Variants in HCN1 observed in about 807,000 individuals in gnomAD.
HCN1 encodes the protein hyperpolarization activated cyclic nucleotide gated potassium channel 1.
Under a neutral mutation model 78.9 loss-of-function variants are expected in HCN1, and 13 were observed. That is an observed-to-expected ratio of 0.16 (90% confidence interval 0.11 to 0.26). The LOEUF (loss-of-function observed/expected upper bound fraction) is 0.26. HCN1 is among the 10% of genes least tolerant of loss of function. HCN1 has a pLI of 1.00. For synonymous variants in HCN1, 552 were observed against 455.5 expected (o/e 1.21, Z -2.70); for missense variants, 810 against 1,154.3 (o/e 0.70, Z 4.32).
At chr5:45,695,561 C>A (rs1015799945) in intron 1 of HCN1, 108 bp downstream of exon 1, 46 of 1,126,980 alleles carry the variant, frequency 4.1e-5, no homozygotes, top group Non-Finnish European at 5.6e-5. Context: ...GGCAGCGCCA[C>A]CCCCCGCCCG....
intron 5 of HCN1, among the ~76,000 whole-genome samples, chr5:45,317,031 C>G (rs1746008195): frequency 6.6e-6 from 1 of 152,064 alleles, no homozygotes; most frequent in Admixed American, 6.6e-5. Flanking sequence ...ATCAAGCTAC[C>G]AATGACTTTC....
rs901389413 is a variant in HCN1, at chr5:45,547,399, G to C, written c.850-85392C>G. On this transcript the variant is annotated intron_variant, in intron 2 of 7. Coordinates refer to ENST00000303230, the MANE Select transcript of HCN1 (RefSeq NM_021072.4). ...AATTTATATTAAAGTAGTAAAGTAA[G>C]TATTGACAGAAAATACTAGCGGAGA... Among the ~76,000 whole-genome samples the C allele has an allele frequency of 9.2e-5, 14 of 152,008 alleles. 2 individuals are homozygous for C. The South Asian group carries it at 1.2e-3, about 13-fold the overall frequency.
At chr5:45,421,315 G>A (rs1740223827) in intron 3 of HCN1, among the ~76,000 whole-genome samples, 1 of 152,104 alleles carries the variant, frequency 6.6e-6, no homozygotes, top group African/African-American at 2.4e-5. Context: ...ACCCGCCTGG[G>A]CCTCCCAAAG....
At chr5:45,616,839 T>G (rs760350348) in intron 2 of HCN1, among the ~76,000 whole-genome samples, 18 of 152,004 alleles carry the variant, frequency 1.2e-4, no homozygotes, top group Non-Finnish European at 2.5e-4. Context: ...AGTAACTATA[T>G]TACCATAAAC....
chr5:45,285,829 A>C (rs1463465239), intron 6 of HCN1, among the ~76,000 whole-genome samples: 1 of 152,014 alleles, frequency 6.6e-6, no homozygotes, highest in African/African-American at 2.4e-5. Context: ...ACACAAAAAC[A>C]TGGTAACTGT....
rs530677746 is a variant in HCN1, at chr5:45,289,236, T to C, written c.1618+14363A>G. On this transcript the variant is annotated intron_variant, in intron 6 of 7. Transcript: ENST00000303230. ...CAAATGTATACTTAATGCCTCACAA[T>C]GTAACACTTATTATTCATACAGAAA... Among the ~76,000 whole-genome samples the C allele has an allele frequency of 3.3e-5, 5 of 152,218 alleles. No homozygotes were observed. In the South Asian group the frequency reaches 1.0e-3, roughly 32 times the overall value.
chr5:45,424,051 G>A (rs1313485604), intron 3 of HCN1, among the ~76,000 whole-genome samples: 5 of 149,588 alleles, frequency 3.3e-5, no homozygotes, highest in East Asian at 2.0e-4. Context: ...CGAGGAGGGC[G>A]GATCACGAGG....
At chr5:45,659,112 C>T (rs927519630) in intron 1 of HCN1, among the ~76,000 whole-genome samples, 10 of 152,026 alleles carry the variant, frequency 6.6e-5, no homozygotes, top group East Asian at 1.9e-4. Flanking sequence ...GATCTGAGAA[C>T]GGGCAGACTG....
intron 5 of HCN1, among the ~76,000 whole-genome samples, chr5:45,317,191 A>T (rs907247351): frequency 2.8e-4 from 42 of 152,216 alleles, no homozygotes; most frequent in Admixed American, 8.5e-4. Context: ...AGTAACCAAA[A>T]CAGCATGATA....
At chr5:45,686,123 A>ATAT (rs1561244997) in intron 1 of HCN1, among the ~76,000 whole-genome samples, 1 of 150,914 alleles carries the variant, frequency 6.6e-6, no homozygotes, top group Non-Finnish European at 1.5e-5. Flanking sequence ...ATATATATAT[A>ATAT]TTTTTTTCTA....
At chr5:45,489,882 C>A (rs1346344953) in intron 2 of HCN1, among the ~76,000 whole-genome samples, 2 of 152,136 alleles carry the variant, frequency 1.3e-5, no homozygotes, top group Non-Finnish European at 2.9e-5. Context: ...CCATCTGGGG[C>A]TGACAATTAG....
intron 3 of HCN1, among the ~76,000 whole-genome samples, chr5:45,404,403 A>C (rs937950934): frequency 6.6e-6 from 1 of 152,132 alleles, no homozygotes; most frequent in Non-Finnish European, 1.5e-5. Context: ...CATTTTAGGT[A>C]ACAATGTACC....
chr5:45,333,716 T>A (rs541094410), intron 5 of HCN1, among the ~76,000 whole-genome samples: 1 of 151,926 alleles, frequency 6.6e-6, no homozygotes, highest in East Asian at 1.9e-4. Context: ...ATACCCAGTT[T>A]TTCCAGCACC....
intron 5 of HCN1, among the ~76,000 whole-genome samples, chr5:45,319,739 G>C (rs1465466637): frequency 1.3e-5 from 2 of 151,170 alleles, no homozygotes. Context: ...AAATGAGTTT[G>C]ATATATTCAG....
At chr5:45,525,197 G>A (rs948953093) in intron 2 of HCN1, among the ~76,000 whole-genome samples, 7 of 151,896 alleles carry the variant, frequency 4.6e-5, no homozygotes, top group African/African-American at 1.5e-4. Flanking sequence ...TACATCCCAG[G>A]GATGAAGCCC....
intron 2 of HCN1, among the ~76,000 whole-genome samples, chr5:45,507,933 A>T: frequency 6.6e-6 from 1 of 152,278 alleles, no homozygotes; most frequent in Non-Finnish European, 1.5e-5. Context: ...AGAGACATAT[A>T]ACATTATATG....
Position 45,469,332 on chromosome 5 carries a change from A to G in HCN1, c.850-7325T>C, listed in dbSNP as rs188311307. 3.5e-3 allele frequency among the ~76,000 whole-genome samples: 530 copies of G among 152,086 alleles called. 2 individuals are homozygous for G. The highest frequency in any genetic ancestry group is 5.8e-3 in the Non-Finnish European group (394 of 67,902). ...TGATGGGAAAATCTAATTATGAATG[A>G]ATATTGGAAATGACCCTACTAAGAA... On this transcript the variant is annotated intron_variant, in intron 2 of 7. Coordinates refer to ENST00000303230, the MANE Select transcript of HCN1 (RefSeq NM_021072.4).
intron 3 of HCN1, among the ~76,000 whole-genome samples, chr5:45,422,689 T>C (rs1740252434): frequency 6.6e-6 from 1 of 152,170 alleles, no homozygotes. Flanking sequence ...TCAAACCATT[T>C]CAGAAAACCT....
intron 1 of HCN1, among the ~76,000 whole-genome samples, chr5:45,674,132 G>GAT: frequency 6.6e-6 from 1 of 150,860 alleles, no homozygotes. Flanking sequence ...GCTTTTAGTT[G>GAT]ATATATATGT....
Sources: allele counts gnomAD v4.1 joint callset (sites outside exome capture counted in the v4.1 genomes callset), GRCh38; gene constraint gnomAD v4.1.1; transcripts MANE v1.5; gene names NCBI Gene and HGNC (gene_info 2026-07-23, HGNC 2026-07-21).